AFF3: variants seen among roughly 807,000 people sequenced by gnomAD.
The protein encoded by AFF3 is ALF transcription elongation factor 3, also known as AF4/FMR2 family member 3.
In AFF3, 32 loss-of-function variants were observed where a neutral mutation model predicts 129.7. The ratio of observed to expected loss-of-function variants is 0.25; its 90% CI spans 0.19 to 0.33. AFF3 has a LOEUF of 0.33. Ranked by LOEUF, AFF3 falls within the 10% of genes least tolerant of loss-of-function variation. The probability of loss-of-function intolerance (pLI) is 1.00; values close to 1 mark genes in which losing one functional copy is unlikely to be tolerated. For missense variants in AFF3, 1,373 were observed against 1,592.0 expected, an observed-to-expected ratio of 0.86 and a Z score of 2.34; for synonymous variants, 644 against 635.4, an observed-to-expected ratio of 1.01 and a Z score of -0.20.
intron 7 of AFF3, among the ~76,000 whole-genome samples, chr2:99,994,857 C>G (rs1374084141): frequency 6.6e-6 from 1 of 152,078 alleles, no homozygotes; most frequent in Non-Finnish European, 1.5e-5. Flanking sequence ...AGGGTTCACC[C>G]TATATTTGAG....
intron 7 of AFF3, among the ~76,000 whole-genome samples, chr2:99,952,813 G>T (rs986994966): frequency 6.6e-6 from 1 of 152,174 alleles, no homozygotes; most frequent in Non-Finnish European, 1.5e-5. Context: ...TCCTGGTCAG[G>T]AATGTGAGTG....
rs1428590543 is a variant in AFF3, at chr2:99,549,109, A to G, written c.*2365T>C. ...TGCAACTTTCAAGGTGGGCAGGACC[A>G]GAGAAGCTCTCCAGGTATGCAGGAT... On this transcript the variant is annotated 3_prime_UTR_variant, in exon 25 of 25. Transcript: ENST00000672756. The G allele has an allele frequency of 1.8e-5, 4 of 225,770 alleles. No individual in the cohort carries two copies. The highest frequency in any genetic ancestry group is 8.9e-5 in the African/African-American group (4 of 44,900). 14.0% of individuals were successfully genotyped at this position (225,770 alleles called of 1,614,324 possible).
chr2:99,844,946 A>G (rs10204123), intron 7 of AFF3, among the ~76,000 whole-genome samples: 235 of 151,966 alleles, frequency 1.5e-3, no homozygotes, highest in African/African-American at 5.4e-3. Flanking sequence ...GAATAAATTA[A>G]TGACCAATAC....
chr2:99,746,458 A>G (rs1352294543), intron 9 of AFF3, among the ~76,000 whole-genome samples: 1 of 152,214 alleles, frequency 6.6e-6, no homozygotes, highest in Non-Finnish European at 1.5e-5. Flanking sequence ...GGGTAGGAAA[A>G]TTGAGACGGG....
chr2:99,871,380 C>A (rs1444082968), intron 7 of AFF3, among the ~76,000 whole-genome samples: 1 of 152,164 alleles, frequency 6.6e-6, no homozygotes, highest in Non-Finnish European at 1.5e-5. Flanking sequence ...ATCATTATTT[C>A]TATTAAATAT....
chr2:100,115,000 A>G (rs1691682422), intron 2 of AFF3, among the ~76,000 whole-genome samples: 1 of 152,226 alleles, frequency 6.6e-6, no homozygotes, highest in African/African-American at 2.4e-5. Flanking sequence ...AGAGTCCTCA[A>G]AAAGACTTTT....
chr2:99,873,091 TC>T (rs1210706883), intron 7 of AFF3, among the ~76,000 whole-genome samples: 2 of 152,210 alleles, frequency 1.3e-5, no homozygotes, highest in African/African-American at 4.8e-5. Context: ...GTAGCTTTTC[TC>T]AAGACAACCA....
At chr2:100,132,522 A>C (rs532437249) in intron 1 of AFF3, among the ~76,000 whole-genome samples, 232 of 152,342 alleles carry the variant, frequency 1.5e-3, no homozygotes, top group Non-Finnish European at 2.7e-3. Flanking sequence ...AAAGAAAAAG[A>C]CTAGAGAAAT....
chr2:99,953,268 T>G (rs6708436), intron 7 of AFF3, among the ~76,000 whole-genome samples: 8 of 152,116 alleles, frequency 5.3e-5, no homozygotes, highest in African/African-American at 1.7e-4. Flanking sequence ...AACTCTAGAT[T>G]GGGCATCTCT....
At chr2:99,595,361 T>C (rs1032166881) in intron 14 of AFF3, among the ~76,000 whole-genome samples, 1 of 152,184 alleles carries the variant, frequency 6.6e-6, no homozygotes, top group Non-Finnish European at 1.5e-5. Flanking sequence ...GCTAAGGTGA[T>C]GTGTTTTTTC....
chr2:100,108,512 C>G (rs953932723), intron 2 of AFF3, among the ~76,000 whole-genome samples: 3 of 152,102 alleles, frequency 2.0e-5, no homozygotes, highest in African/African-American at 7.2e-5. Context: ...AACTTCAGTA[C>G]TTGTGCCCCT....
chr2:99,822,339 T>C (rs746116233), intron 8 of AFF3, among the ~76,000 whole-genome samples: 1 of 142,010 alleles, frequency 7.0e-6, no homozygotes, highest in African/African-American at 2.6e-5. Context: ...GGAGGTCAGG[T>C]TGGGGGTGGG....
In AFF3 at chr2:99,646,092, T is replaced by C. The variant is rs1474749876; in HGVS notation, c.1184+3534A>G. Among the ~76,000 whole-genome samples the C allele has an allele frequency of 2.6e-5, 4 of 152,236 alleles. No individual in the cohort carries two copies. In the East Asian group the frequency reaches 7.7e-4, roughly 29 times the overall value. ...AAACAGATAACAAAAACTGGCTTCC[T>C]ACAGTGTAAACTCATGTCCTTCCAC... On this transcript the variant is annotated intron_variant, in intron 13 of 24. Transcript: ENST00000672756.
intron 7 of AFF3, among the ~76,000 whole-genome samples, chr2:99,917,178 G>C (rs1180352800): frequency 6.6e-6 from 1 of 152,186 alleles, no homozygotes; most frequent in Non-Finnish European, 1.5e-5. Flanking sequence ...CTCTGTCTGA[G>C]GTTAGAAACA....
chr2:99,926,830 A>G (rs146100237), intron 7 of AFF3, among the ~76,000 whole-genome samples: 1 of 152,154 alleles, frequency 6.6e-6, no homozygotes, highest in African/African-American at 2.4e-5. Context: ...TCTTTCCTCC[A>G]CTTATGTTAA....
intron 7 of AFF3, among the ~76,000 whole-genome samples, chr2:99,946,705 T>C (rs1351131656): frequency 6.6e-6 from 1 of 151,992 alleles, no homozygotes; most frequent in Non-Finnish European, 1.5e-5. Flanking sequence ...TAGGCCAAAG[T>C]TTACGTTTTT....
At chr2:99,678,844 G>A (rs1473864277) in intron 11 of AFF3, among the ~76,000 whole-genome samples, 8 of 152,208 alleles carry the variant, frequency 5.3e-5, no homozygotes, top group Admixed American at 5.2e-4. Context: ...TGGAACACGG[G>A]AGGGAAAGTT....
intron 12 of AFF3, among the ~76,000 whole-genome samples, chr2:99,671,744 T>C (rs1438467351): frequency 6.6e-6 from 1 of 152,116 alleles, no homozygotes; most frequent in East Asian, 1.9e-4. Context: ...GTATCTAAAC[T>C]TGACAAAATA....
intron 4 of AFF3, among the ~76,000 whole-genome samples, chr2:100,078,352 C>T (rs952113332): frequency 5.3e-5 from 8 of 152,224 alleles, no homozygotes; most frequent in Non-Finnish European, 1.2e-4. Flanking sequence ...ACCCTAAACT[C>T]ACAGCTTTTA....
Sources: allele counts gnomAD v4.1 joint callset (sites outside exome capture counted in the v4.1 genomes callset), GRCh38; gene constraint gnomAD v4.1.1; transcripts MANE v1.5; gene names NCBI Gene and HGNC (gene_info 2026-07-23, HGNC 2026-07-21).